Variants in ADH4 observed in about 807,000 individuals in gnomAD.
ADH4 encodes alcohol dehydrogenase 4 (class II), pi polypeptide, also known as all-trans-retinol dehydrogenase [NAD(+)] ADH4.
ADH4 carries 31 observed loss-of-function variants against 35.2 expected under a neutral mutation model. The observed-to-expected ratio is 0.88, with a 90% CI of 0.66 to 1.19. The LOEUF (loss-of-function observed/expected upper bound fraction) is 1.19. ADH4 is among the 50% of genes most tolerant of loss of function. The probability of loss-of-function intolerance (pLI) is 0.00; values close to 1 mark genes in which losing one functional copy is unlikely to be tolerated. For synonymous variants in ADH4, 171 were observed against 160.2 expected (o/e 1.07, Z -0.51); for missense variants, 476 against 458.3 (o/e 1.04, Z -0.35).
At chr4:99,126,187 T>C (rs1729080746) in intron 8 of ADH4, among the ~76,000 whole-genome samples, 1 of 152,192 alleles carries the variant, frequency 6.6e-6, no homozygotes, top group Admixed American at 6.5e-5. Flanking sequence ...CACAGAGGCA[T>C]GGTTTTCACC....
chr4:99,131,665 T>C lies in ADH4; in HGVS notation c.682A>G (p.Ile228Val). The C allele has an allele frequency of 6.2e-7, 1 of 1,614,120 alleles. No homozygotes were observed. Among genetic ancestry groups the C allele is most frequent in the Admixed American group, 1.7e-5 (1 of 60,010 alleles). The change falls in exon 6 of 9, where the codon ATT (isoleucine) becomes GTT (valine). Residue 228 changes from isoleucine (I) to valine (V), a missense_variant. Ile to Val is a conservative substitution (Grantham distance 29). Coordinates refer to ENST00000265512, the MANE Select transcript of ADH4 (RefSeq NM_000670.5). ...ACAAACTTCTCACTGTTGATGTCAA[T>C]ACCTATGATTCTGGAAGCTCCTGCT... ...KAAGASRIIGIDINSEKFVKA... is the reference protein window; with the variant it reads ...KAAGASRIIGVDINSEKFVKA...
chr4:99,139,477 C>T (rs1368161583), intron 3 of ADH4, among the ~76,000 whole-genome samples: 1 of 152,136 alleles, frequency 6.6e-6, no homozygotes, highest in African/African-American at 2.4e-5. Context: ...ATGTACGAAA[C>T]ATAACATCCT....
chr4:99,141,543 G>C lies in ADH4; in HGVS notation c.260C>G (p.Pro87Arg), dbSNP rs376943095. ...TTTTTCTGAATAAAATAAAATACCT[G>C]GTTTGACGTTGGTCACTCCTGGCCC... Reference protein sequence around the residue: ...SIGPGVTNVKPGDKVIPLYAP... With the variant: ...SIGPGVTNVKRGDKVIPLYAP... Residue 87 changes from proline to arginine, a missense_variant and splice_region_variant, in exon 3 of 9, where the codon CCA (proline) becomes CGA (arginine). By Grantham distance (103) the Pro-to-Arg change is moderately radical (BLOSUM62 -2). Coordinates refer to ENST00000265512, the MANE Select transcript of ADH4 (RefSeq NM_000670.5). 37 of 1,604,538 alleles carry C rather than the reference G, an allele frequency of 2.3e-5. No individual in the cohort carries two copies. Among genetic ancestry groups the C allele is most frequent in the Non-Finnish European group, 3.1e-5 (36 of 1,176,480 alleles).
chr4:99,124,877 C>T (rs1729033853), intron 8 of ADH4, among the ~76,000 whole-genome samples: 1 of 135,042 alleles, frequency 7.4e-6, no homozygotes, highest in African/African-American at 2.9e-5. Context: ...TTTTTAAGAA[C>T]CCAGATGTTC....
chr4:99,141,455 A>G, intron 3 of ADH4, 86 bp downstream of exon 3: 2 of 1,353,786 alleles, frequency 1.5e-6, no homozygotes, highest in East Asian at 2.5e-5. Context: ...ATAGAGATCA[A>G]TTATAGCATG....
intron 1 of ADH4, among the ~76,000 whole-genome samples, chr4:99,143,824 C>T (rs1488611845): frequency 6.6e-6 from 1 of 152,072 alleles, no homozygotes; most frequent in Non-Finnish European, 1.5e-5. Context: ...TCGAGTATCC[C>T]CAAATAAGAT....
intron 1 of ADH4, 79 bp downstream of exon 1, chr4:99,144,126 T>C: frequency 6.6e-7 from 1 of 1,511,606 alleles, no homozygotes; most frequent in Non-Finnish European, 9.2e-7. Context: ...CCTGAGTTCC[T>C]GAAGGAAGCT....
intron 5 of ADH4, among the ~76,000 whole-genome samples, chr4:99,132,236 T>C (rs1337105257): frequency 6.6e-6 from 1 of 152,236 alleles, no homozygotes; most frequent in Non-Finnish European, 1.5e-5. Context: ...GCATTTTTAT[T>C]GTCTGACCTC....
chr4:99,139,114 A>G lies in ADH4; in HGVS notation c.297T>C (p.Cys99=), dbSNP rs758275437. The G allele has an allele frequency of 1.2e-6, 2 of 1,613,558 alleles. No homozygotes were observed. Among genetic ancestry groups the G allele is most frequent in the Non-Finnish European group, 1.7e-6 (2 of 1,179,676 alleles). The stretch of plus-strand genomic sequence containing the variant: ...GACTCAGACAAAACTTGCATTTTCT[A>G]CATAGAGGTGCATAAAGTGGAATTA... ...DKVIPLYAPL[C]RKCKFCLSPL... is the part of the protein sequence containing the mutation. The change falls in exon 4 of 9, where the codon TGT becomes TGC. Residue 99 remains cysteine (C), a synonymous_variant. Coordinates refer to ENST00000265512, the MANE Select transcript of ADH4 (RefSeq NM_000670.5).
rs909328007 is a variant in ADH4 at position 99,136,790 on chromosome 4, A to G, written c.351-93T>C. ...TCCTACAAAATATGTTGAGCATTAT[A>G]TATTTTTGATGACAATTTACAAGAC... On this transcript the variant is annotated intron_variant, in intron 4 of 8. Coordinates refer to ENST00000265512, the MANE Select transcript of ADH4 (RefSeq NM_000670.5). 45 of 804,980 alleles carry G rather than the reference A, an allele frequency of 5.6e-5. No individual in the cohort carries two copies. The African/African-American group carries it at 7.3e-4, about 13-fold the overall frequency. The allele number at this position is 804,980 out of a possible 1,614,324, so 49.9% of individuals were successfully genotyped here. A position where few individuals can be genotyped will look rare whatever the true frequency, so the allele number is the denominator to read the frequency against.
intron 8 of ADH4, among the ~76,000 whole-genome samples, chr4:99,125,050 A>G (rs1729042005): frequency 6.6e-6 from 1 of 152,160 alleles, no homozygotes; most frequent in African/African-American, 2.4e-5. Context: ...AGACACCCCT[A>G]CCTGTAGAAG....
intron 5 of ADH4, among the ~76,000 whole-genome samples, chr4:99,132,055 C>T (rs1481206649): frequency 6.6e-6 from 1 of 152,014 alleles, no homozygotes; most frequent in Non-Finnish European, 1.5e-5. Flanking sequence ...ATTTGAAAAC[C>T]CACACATTCT....
At chr4:99,139,725 A>T (rs1431402797) in intron 3 of ADH4, among the ~76,000 whole-genome samples, 2 of 152,170 alleles carry the variant, frequency 1.3e-5, no homozygotes, top group African/African-American at 4.8e-5. Flanking sequence ...TCAGAACTTA[A>T]TTCTCAGAGC....
At chr4:99,126,753 A>G (rs2110489962) in intron 7 of ADH4, 21 bp from the exon 8 acceptor site, 2 of 1,573,194 alleles carry the variant, frequency 1.3e-6, no homozygotes, top group Non-Finnish European at 1.7e-6. Context: ...GACAAAATGC[A>G]AAATAAAGAC....
rs1017036821 is a variant in ADH4 at position 99,124,375 on chromosome 4, C to T, written c.*67G>A. On this transcript the variant is annotated 3_prime_UTR_variant, in exon 9 of 9. Coordinates refer to ENST00000265512, the MANE Select transcript of ADH4 (RefSeq NM_000670.5). ...CATGGCTTTCCTTGGTTCATCAAAT[C>T]AGGTAATAAATTAACCAGGCAGGTT... 2.7e-6 allele frequency: 3 copies of T among 1,111,798 alleles called. No homozygotes were observed. The highest frequency in any genetic ancestry group is 4.0e-6 in the Non-Finnish European group (3 of 752,160). 68.9% of individuals were successfully genotyped at this position (1,111,798 alleles called of 1,614,324 possible).
chr4:99,141,792 G>T, intron 2 of ADH4, 110 bp from the exon 3 acceptor site: 1 of 1,004,800 alleles, frequency 1.0e-6, no homozygotes, highest in Non-Finnish European at 1.4e-6. Flanking sequence ...AAGACTTCTA[G>T]AACTCAATAA....
chr4:99,138,165 A>G (rs1729504061), intron 4 of ADH4, among the ~76,000 whole-genome samples: 1 of 152,190 alleles, frequency 6.6e-6, no homozygotes, highest in Non-Finnish European at 1.5e-5. Context: ...ATATCTGATT[A>G]TCTCTTTTTA....
chr4:99,142,927 C>A (rs982860430), intron 1 of ADH4, 147 bp from the exon 2 acceptor site: 1 of 608,062 alleles, frequency 1.6e-6, no homozygotes, highest in African/African-American at 1.9e-5. Context: ...GTAGCTGGAT[C>A]TTATAGATAT....
intron 3 of ADH4, among the ~76,000 whole-genome samples, chr4:99,139,604 A>C (rs953265614): frequency 2.0e-5 from 3 of 152,148 alleles, no homozygotes; most frequent in Non-Finnish European, 4.4e-5. Context: ...ATAAATTCCA[A>C]TTTAATAGTG....
Sources: gnomAD v4.1 joint callset for allele counts (sites outside exome capture counted in the v4.1 genomes callset) on GRCh38, gnomAD v4.1.1 for gene constraint, MANE v1.5 for transcripts, NCBI Gene and HGNC (gene_info 2026-07-23, HGNC 2026-07-21) for gene names.